The following COL19A1 variants were observed in gnomAD, a reference collection of about 807,000 sequenced individuals.
The protein encoded by COL19A1 is collagen type XIX alpha 1 chain.
Under a neutral mutation model 190.2 loss-of-function variants are expected in COL19A1, and 159 were observed. The observed-to-expected ratio is 0.84, with a 90% CI of 0.73 to 0.95. COL19A1 has a LOEUF of 0.95. COL19A1 is among the 40% of genes least tolerant of loss of function. COL19A1 has a pLI of 0.00. For missense variants in COL19A1, 1,418 were observed against 1,431.9 expected, an observed-to-expected ratio of 0.99 and a Z score of 0.16; for synonymous variants, 509 against 458.9, an observed-to-expected ratio of 1.11 and a Z score of -1.39.
At chr6:70,094,029 C>T (rs554893132) in intron 15 of COL19A1, among the ~76,000 whole-genome samples, 87 of 152,238 alleles carry the variant, frequency 5.7e-4, no homozygotes, top group Admixed American at 1.4e-3. Flanking sequence ...CATGTCCTTA[C>T]GAGAGTCACT....
intron 19 of COL19A1, among the ~76,000 whole-genome samples, chr6:70,138,437 G>A (rs1786010987): frequency 6.6e-6 from 1 of 152,040 alleles, no homozygotes; most frequent in Admixed American, 6.6e-5. Flanking sequence ...TTGTTTTAAT[G>A]CTTCTTTTAA....
intron 2 of COL19A1, among the ~76,000 whole-genome samples, chr6:69,897,610 G>T (rs1421485972): frequency 1.3e-5 from 2 of 151,964 alleles, no homozygotes; most frequent in East Asian, 1.9e-4. Flanking sequence ...AGTTATTTAG[G>T]TCTTTAATTT....
At chr6:70,102,688 C>G (rs1021783759) in intron 16 of COL19A1, among the ~76,000 whole-genome samples, 2 of 152,092 alleles carry the variant, frequency 1.3e-5, no homozygotes, top group Non-Finnish European at 2.9e-5. Flanking sequence ...GATCATCTAA[C>G]CAGTTAGCTT....
chr6:70,019,543 G>A (rs1348312470), intron 11 of COL19A1, among the ~76,000 whole-genome samples: 1 of 152,072 alleles, frequency 6.6e-6, no homozygotes, highest in Non-Finnish European at 1.5e-5. Flanking sequence ...TTGTTTGGAA[G>A]AACATTAAAT....
At chr6:69,884,145 G>C (rs1169895675) in intron 2 of COL19A1, among the ~76,000 whole-genome samples, 1 of 151,984 alleles carries the variant, frequency 6.6e-6, no homozygotes, top group Non-Finnish European at 1.5e-5. Flanking sequence ...GACCAGCCTG[G>C]CCAGCATGGT....
At chr6:70,158,029 T>C (rs898757571) in intron 34 of COL19A1, among the ~76,000 whole-genome samples, 2 of 152,154 alleles carry the variant, frequency 1.3e-5, no homozygotes, top group South Asian at 2.1e-4. Context: ...TCATAAATTC[T>C]GTAACACAGT....
At chr6:70,083,444 A>AT (rs1398887592) in intron 15 of COL19A1, among the ~76,000 whole-genome samples, 2 of 152,054 alleles carry the variant, frequency 1.3e-5, no homozygotes, top group Non-Finnish European at 2.9e-5. Flanking sequence ...TGTTTATTTC[A>AT]TTTTTTTCTA....
At position 70,034,250 on chromosome 6, in the gene COL19A1, G is replaced by C; in HGVS notation, c.1086G>C (p.Leu362Phe). The C allele has an allele frequency of 6.2e-7, 1 of 1,611,456 alleles. No individual in the cohort carries two copies. Among genetic ancestry groups the C allele is most frequent in the Non-Finnish European group, 8.5e-7 (1 of 1,177,568 alleles). ...ALAGLNGENG[L>F]KGDLGPHGPP... ...TGGTTATATTCTTTCTACAGGGTTT[G>C]AAAGGTGACTTGGGTCCTCATGGTC... Residue 362 changes from leucine (L) to phenylalanine (F), a missense_variant, in exon 13 of 51, where the codon TTG (leucine) becomes TTC (phenylalanine). Leu to Phe is a conservative substitution (Grantham distance 22). Transcript: ENST00000620364.
intron 2 of COL19A1, among the ~76,000 whole-genome samples, chr6:69,889,653 G>A (rs1399244860): frequency 1.4e-5 from 2 of 138,604 alleles, no homozygotes; most frequent in Non-Finnish European, 1.6e-5. Flanking sequence ...ACCAATCAGC[G>A]CTCTGTGTCT....
chr6:70,151,606 G>T (rs1003299618), intron 31 of COL19A1, among the ~76,000 whole-genome samples, 168 bp downstream of exon 31: 5 of 152,106 alleles, frequency 3.3e-5, no homozygotes, highest in Admixed American at 2.0e-4. Context: ...TATATCTTGT[G>T]CCATTTATCC....
At chr6:70,020,264 TC>T in intron 11 of COL19A1, among the ~76,000 whole-genome samples, 1 of 152,216 alleles carries the variant, frequency 6.6e-6, no homozygotes. Context: ...CATGATATTT[TC>T]CCCCAATTTG....
At chr6:69,876,055 A>C (rs1340439011) in intron 1 of COL19A1, among the ~76,000 whole-genome samples, 1 of 152,144 alleles carries the variant, frequency 6.6e-6, no homozygotes, top group Non-Finnish European at 1.5e-5. Flanking sequence ...AGTTTCAGGA[A>C]GGAAAGAATT....
chr6:70,095,779 CAT>C (rs2150180766), intron 15 of COL19A1, among the ~76,000 whole-genome samples: 1 of 152,214 alleles, frequency 6.6e-6, no homozygotes, highest in South Asian at 2.1e-4. Flanking sequence ...TAAATGGAAT[CAT>C]AGAGTATTTG....
intron 35 of COL19A1, among the ~76,000 whole-genome samples, chr6:70,162,779 C>T (rs1475869074): frequency 6.6e-6 from 1 of 152,098 alleles, no homozygotes; most frequent in Non-Finnish European, 1.5e-5. Context: ...AAAGTTGTGT[C>T]ATTTATGCTT....
At position 70,150,185 on chromosome 6, in the gene COL19A1, T is replaced by A. The variant is rs892735230; in HGVS notation, c.2037+140T>A. On this transcript the variant is annotated intron_variant, in intron 30 of 50. Coordinates refer to ENST00000620364, the MANE Select transcript of COL19A1 (RefSeq NM_001858.6). The stretch of plus-strand genomic sequence containing the variant: ...GATTTTGTTTATCCCCATTATTTTG[T>A]CGAGTGAAAAAAAATTCAGGCTGGA... The A allele has an allele frequency of 1.5e-5, 13 of 858,090 alleles. No individual in the cohort carries two copies. The African/African-American group carries it at 2.2e-4, about 15-fold the overall frequency. The allele number at this position is 858,090 out of a possible 1,614,324, so 53.2% of individuals were successfully genotyped here. A position where few individuals can be genotyped will look rare whatever the true frequency, so the allele number is the denominator to read the frequency against.
chr6:70,001,463 A>T (rs1008828130), intron 11 of COL19A1, among the ~76,000 whole-genome samples: 4 of 152,252 alleles, frequency 2.6e-5, no homozygotes, highest in African/African-American at 4.8e-5. Context: ...TTTGGTCAGT[A>T]TGGCCATTTT....
chr6:70,072,893 T>C (rs895117394), intron 15 of COL19A1, among the ~76,000 whole-genome samples: 4 of 152,166 alleles, frequency 2.6e-5, no homozygotes, highest in East Asian at 1.9e-4. Context: ...TTTCATCTTA[T>C]GGTGCAAGCA....
At chr6:70,107,011 A>G (rs183737529) in intron 16 of COL19A1, among the ~76,000 whole-genome samples, 3 of 152,338 alleles carry the variant, frequency 2.0e-5, no homozygotes, top group Admixed American at 2.0e-4. Flanking sequence ...CTGTATTTCC[A>G]GTGTCTTAGG....
chr6:70,063,000 A>T (rs1054186462), intron 14 of COL19A1, among the ~76,000 whole-genome samples: 1 of 152,200 alleles, frequency 6.6e-6, no homozygotes, highest in African/African-American at 2.4e-5. Context: ...AGAGACCTAC[A>T]AAGAGCCTTA....
Sources: allele counts gnomAD v4.1 joint callset (sites outside exome capture counted in the v4.1 genomes callset), GRCh38; gene constraint gnomAD v4.1.1; transcripts MANE v1.5; gene names NCBI Gene and HGNC (gene_info 2026-07-23, HGNC 2026-07-21).